Variants in MTMR3 observed in about 807,000 individuals in gnomAD.
MTMR3 encodes the protein phosphatidylinositol-3,5-bisphosphate 3-phosphatase MTMR3.
A neutral mutation model predicts 132.4 loss-of-function variants in MTMR3; 32 were observed. The observed-to-expected ratio is 0.24, with a 90% confidence interval of 0.18 to 0.32. MTMR3 has a LOEUF of 0.32. Among genes scored for constraint, MTMR3 ranks in the 10% least tolerant of loss-of-function variants. MTMR3 has a pLI of 1.00. For missense variants in MTMR3, 1,216 were observed against 1,489.6 expected (o/e 0.82, Z 3.02); for synonymous variants, 556 against 550.3 (o/e 1.01, Z -0.14).
chr22:29,971,129 A>T (rs1053899675), intron 3 of MTMR3, 67 bp downstream of exon 3: 1 of 1,488,708 alleles, frequency 6.7e-7, no homozygotes, highest in Non-Finnish European at 9.1e-7. Flanking sequence ...TTAAGTGAAC[A>T]CTAATAAATT....
rs543209527 is a variant in MTMR3 at position 29,889,429 on chromosome 22, G to A, written c.-138+6070G>A. On this transcript the variant is annotated intron_variant, in intron 1 of 19. Coordinates refer to ENST00000401950, the MANE Select transcript of MTMR3 (RefSeq NM_021090.4). ...AGCCTCCTGAGTAGTTGGGATTACA[G>A]GTACCTGCCACCACGCCTGGCTAAT... Among the ~76,000 whole-genome samples the A allele has an allele frequency of 2.4e-4, 36 of 151,850 alleles. No individual in the cohort carries two copies. The East Asian group carries it at 6.2e-3, about 26-fold the overall frequency.
chr22:30,016,405 C>T, intron 14 of MTMR3, 123 bp from the exon 15 acceptor site: 1 of 1,143,268 alleles, frequency 8.7e-7, no homozygotes, highest in Non-Finnish European at 1.2e-6. Flanking sequence ...TACTGGGTTC[C>T]CCGTCCTGAC....
chr22:29,928,810 T>C (rs2065580087), intron 1 of MTMR3, among the ~76,000 whole-genome samples: 1 of 151,928 alleles, frequency 6.6e-6, no homozygotes, highest in South Asian at 2.1e-4. Context: ...CCACCACTCC[T>C]GGCTCAAAGT....
At chr22:29,919,476 G>A (rs1383724264) in intron 1 of MTMR3, among the ~76,000 whole-genome samples, 2 of 152,164 alleles carry the variant, frequency 1.3e-5, no homozygotes, top group Non-Finnish European at 2.9e-5. Flanking sequence ...GATAAGATAT[G>A]TGATCCTTGA....
At chr22:30,013,775 A>T (rs1178506599) in intron 14 of MTMR3, 59 of 363,698 alleles carry the variant, frequency 1.6e-4, no homozygotes, top group Middle Eastern at 8.4e-4. Flanking sequence ...GTTTTTTTTT[A>T]AAGGGATGGT....
rs564542525 is a variant in MTMR3 at position 29,943,353 on chromosome 22, C to T, written c.-137-13683C>T. On this transcript the variant is annotated intron_variant, in intron 1 of 19. Coordinates refer to ENST00000401950, the MANE Select transcript of MTMR3 (RefSeq NM_021090.4). ...GACTACAGGCACCTGCCACCACGCCCGGCTAATTTTTTTGTATTTTTAGTA... is the reference window on the plus strand; with the variant it reads ...GACTACAGGCACCTGCCACCACGCCTGGCTAATTTTTTTGTATTTTTAGTA... 6.6e-5 allele frequency among the ~76,000 whole-genome samples: 10 copies of T among 152,006 alleles called. No individual in the cohort carries two copies. In the South Asian group the frequency reaches 1.2e-3, roughly 19 times the overall value.
chr22:29,957,620 T>G (rs2066225489), intron 2 of MTMR3, among the ~76,000 whole-genome samples: 2 of 152,094 alleles, frequency 1.3e-5, no homozygotes, highest in African/African-American at 4.8e-5. Context: ...CTGGCTAGTT[T>G]GGAAACTTTT....
chr22:29,933,740 T>TG (rs1392360063), intron 1 of MTMR3, among the ~76,000 whole-genome samples: 3 of 151,464 alleles, frequency 2.0e-5, no homozygotes, highest in South Asian at 2.1e-4. Flanking sequence ...TGTGTTTTTT[T>TG]TTTTTTTTTT....
chr22:29,974,595 A>G (rs1186672828), intron 3 of MTMR3, among the ~76,000 whole-genome samples: 1 of 152,202 alleles, frequency 6.6e-6, no homozygotes, highest in Non-Finnish European at 1.5e-5. Context: ...TACTTTGGTG[A>G]TACATATTGG....
chr22:29,912,752 A>G (rs1048926477), intron 1 of MTMR3, among the ~76,000 whole-genome samples: 2 of 152,228 alleles, frequency 1.3e-5, no homozygotes, highest in Non-Finnish European at 2.9e-5. Context: ...TGCAGAGAAT[A>G]TGAAGGACTT....
At chr22:29,928,674 T>A (rs36582) in intron 1 of MTMR3, among the ~76,000 whole-genome samples, 119,270 of 151,126 alleles carry the variant, frequency 0.79, 47,539 homozygotes, top group African/African-American at 0.92. Flanking sequence ...TTAAAAAAAA[T>A]TTTTTTTTAA....
At chr22:29,939,831 C>T (rs966021018) in intron 1 of MTMR3, among the ~76,000 whole-genome samples, 8 of 152,084 alleles carry the variant, frequency 5.3e-5, no homozygotes, top group Non-Finnish European at 8.8e-5. Flanking sequence ...GTGACCTGCC[C>T]GTATACATCC....
chr22:30,017,705 C>G (rs2067630375), intron 15 of MTMR3: 1 of 491,292 alleles, frequency 2.0e-6, no homozygotes, highest in Non-Finnish European at 3.6e-6. Flanking sequence ...TATTTTCATG[C>G]TCTCAAGTGG....
chr22:29,963,578 T>C (rs1000566372), intron 2 of MTMR3, among the ~76,000 whole-genome samples: 33 of 151,970 alleles, frequency 2.2e-4, no homozygotes, highest in African/African-American at 7.5e-4. Context: ...TTAGTAGAGA[T>C]GGGGTTTCAC....
intron 1 of MTMR3, among the ~76,000 whole-genome samples, chr22:29,921,262 A>G (rs949754187): frequency 6.6e-6 from 1 of 152,148 alleles, no homozygotes; most frequent in Non-Finnish European, 1.5e-5. Context: ...AAGAGAGAGG[A>G]GAAGGTGCTA....
chr22:30,019,294 A>G, intron 16 of MTMR3, 186 bp from the exon 17 acceptor site: 1 of 603,434 alleles, frequency 1.7e-6, no homozygotes, highest in South Asian at 2.1e-5. Context: ...AAATCTGCAC[A>G]CTAGGAGGAC....
Position 30,020,402 on chromosome 22 carries a change from T to C in MTMR3, c.2743T>C (p.Cys915Arg). 1.2e-6 allele frequency: 2 copies of C among 1,614,188 alleles called. No individual in the cohort carries two copies. Among genetic ancestry groups the C allele is most frequent in the Non-Finnish European group, 8.5e-7 (1 of 1,180,012 alleles). The part of the protein sequence containing the change: ...GSTLSLTRSP[C>R]ALPLAECKEG... ...CACTCTCAGCCTGACACGTTCCCCT[T>C]GTGCCTTGCCTTTAGCCGAATGTAA... The change falls in exon 17 of 20, where the codon TGT becomes CGT. Residue 915 changes from cysteine (C) to arginine (R), a missense_variant. Cys to Arg is a radical substitution (Grantham distance 180). Coordinates refer to ENST00000401950, the MANE Select transcript of MTMR3 (RefSeq NM_021090.4).
In MTMR3 at chr22:29,949,803, A is replaced by G. The variant is rs10483157; in HGVS notation, c.-137-7233A>G. Among the ~76,000 whole-genome samples the G allele has an allele frequency of 0.026, 3,925 of 152,190 alleles. 498 individuals are homozygous for G. In the East Asian group the frequency reaches 0.42, roughly 16 times the overall value. ...GTCGTCAGTCTAGTGTTAAAGATAA[A>G]ATTATGTATGTTTAAGAGGGGCAGA... On this transcript the variant is annotated intron_variant, in intron 1 of 19. Transcript: ENST00000401950.
chr22:29,999,045 G>A (rs1300715978), intron 8 of MTMR3, 188 bp downstream of exon 8: 1 of 423,032 alleles, frequency 2.4e-6, no homozygotes, highest in East Asian at 4.3e-5. Context: ...GGAGTGGAAA[G>A]TGATCCTTAC....
Sources: gnomAD v4.1 joint callset for allele counts (sites outside exome capture counted in the v4.1 genomes callset) on GRCh38, gnomAD v4.1.1 for gene constraint, MANE v1.5 for transcripts, NCBI Gene and HGNC (gene_info 2026-07-23, HGNC 2026-07-21) for gene names.